DCC: variants seen among roughly 807,000 people sequenced by gnomAD.
DCC encodes DCC netrin 1 receptor.
DCC carries 58 observed loss-of-function variants against 172.5 expected under a neutral mutation model. That is an observed-to-expected ratio of 0.34 (90% CI 0.27 to 0.42). DCC has a LOEUF of 0.42. Ranked by LOEUF, DCC falls within the 10% of genes least tolerant of loss-of-function variation. The pLI, the probability that DCC is intolerant of heterozygous loss-of-function variation, is 1.00. For missense variants in DCC, 1,740 were observed against 1,791.0 expected (o/e 0.97, Z 0.51); for synonymous variants, 709 against 644.5 (o/e 1.10, Z -1.52).
At chr18:52,870,136 G>A (rs1026827581) in intron 2 of DCC, among the ~76,000 whole-genome samples, 8 of 152,166 alleles carry the variant, frequency 5.3e-5, no homozygotes, top group Non-Finnish European at 8.8e-5. Context: ...CACTGGCTCC[G>A]GGGAGTGCTG....
At chr18:53,341,993 A>G (rs1440527220) in intron 15 of DCC, among the ~76,000 whole-genome samples, 1 of 152,126 alleles carries the variant, frequency 6.6e-6, no homozygotes, top group Non-Finnish European at 1.5e-5. Flanking sequence ...TAAGGACTGT[A>G]TGACAGTTAT....
rs375613147 is a variant in DCC, at chr18:53,484,578, T to C, written c.3737-2219T>C. Among the ~76,000 whole-genome samples, 16 of 152,018 alleles carry C rather than the reference T, an allele frequency of 1.1e-4. 1 individual carries two copies. In the East Asian group the frequency reaches 2.1e-3, roughly 20 times the overall value. On this transcript the variant is annotated intron_variant, in intron 25 of 28. Transcript: ENST00000442544. Reference sequence around the variant, plus strand: ...TTAACTTCTGGGTCTTACATGTAGGTATTTTATCCATTTTGTGTTAATTTT... The same window carrying C: ...TTAACTTCTGGGTCTTACATGTAGGCATTTTATCCATTTTGTGTTAATTTT...
intron 1 of DCC, among the ~76,000 whole-genome samples, chr18:52,610,740 T>C (rs1305342423): frequency 6.6e-6 from 1 of 152,164 alleles, no homozygotes; most frequent in African/African-American, 2.4e-5. Flanking sequence ...AATGAATGGG[T>C]GTGGCTATGT....
chr18:52,699,037 T>C (rs1010279737), intron 1 of DCC, among the ~76,000 whole-genome samples: 1 of 152,170 alleles, frequency 6.6e-6, no homozygotes, highest in African/African-American at 2.4e-5. Flanking sequence ...ACAAATGTGC[T>C]TGGGTAAATA....
intron 12 of DCC, among the ~76,000 whole-genome samples, chr18:53,289,711 ACCAG>A (rs1001543973): frequency 7.2e-5 from 11 of 152,110 alleles, no homozygotes; most frequent in African/African-American, 2.7e-4. Context: ...ATTTTTTAAA[ACCAG>A]CCATGTAATT....
chr18:53,057,577 G>A (rs2042427544), intron 5 of DCC, among the ~76,000 whole-genome samples: 2 of 151,976 alleles, frequency 1.3e-5, no homozygotes, highest in Non-Finnish European at 2.9e-5. Context: ...TTCTGGCCAT[G>A]GATTTTATTT....
chr18:53,445,367 C>T (rs1912532083), intron 22 of DCC, among the ~76,000 whole-genome samples: 1 of 152,230 alleles, frequency 6.6e-6, no homozygotes, highest in Non-Finnish European at 1.5e-5. Context: ...TATACACTTT[C>T]ATTGGACCTC....
chr18:53,241,714 G>A (rs1385454864), intron 12 of DCC, among the ~76,000 whole-genome samples: 1 of 152,178 alleles, frequency 6.6e-6, no homozygotes, highest in Non-Finnish European at 1.5e-5. Context: ...GCCAGCCAGG[G>A]CGAATGAGTC....
At chr18:53,271,779 G>T (rs1214297413) in intron 12 of DCC, among the ~76,000 whole-genome samples, 6 of 152,096 alleles carry the variant, frequency 3.9e-5, no homozygotes, top group Non-Finnish European at 7.4e-5. Context: ...AGAGTAAGGG[G>T]TTTACACAAA....
chr18:53,008,359 C>T (rs1479074597), intron 5 of DCC, among the ~76,000 whole-genome samples: 1 of 152,020 alleles, frequency 6.6e-6, no homozygotes. Flanking sequence ...ATTTAATTTG[C>T]TTCCATGGAA....
chr18:52,771,882 A>AAAAG lies in DCC; in HGVS notation c.412+19511_412+19512insGAAA, dbSNP rs1555659204. 1.9e-3 allele frequency among the ~76,000 whole-genome samples: 280 copies of AAAAG among 150,376 alleles called. 1 individual carries two copies. In the East Asian group the frequency reaches 0.019, roughly 10 times the overall value. On this transcript the variant is annotated intron_variant, in intron 2 of 28. Coordinates refer to ENST00000442544, the MANE Select transcript of DCC (RefSeq NM_005215.4). ...CTGTAGAAACTTGTGAAAAAAAAAAAAAAAGAAAAAGAAAGAACAAGGCCC... is the reference window on the plus strand; with the variant it reads ...CTGTAGAAACTTGTGAAAAAAAAAAAAAAGAAAAGAAAAAGAAAGAACAAGGCCC...
chr18:52,408,653 C>T (rs999248114), intron 1 of DCC, among the ~76,000 whole-genome samples: 4 of 152,074 alleles, frequency 2.6e-5, no homozygotes, highest in Non-Finnish European at 5.9e-5. Context: ...TCCTCTGAAG[C>T]ATCAAGCATC....
chr18:53,481,116 G>A (rs1434679626), intron 25 of DCC: 1 of 152,186 alleles, frequency 6.6e-6, no homozygotes, highest in African/African-American at 2.4e-5. Context: ...AACAGAGTGA[G>A]CATGTACAAT....
In DCC at chr18:52,724,932, A is replaced by T. The variant is rs527970147; in HGVS notation, c.92-27122A>T. On this transcript the variant is annotated intron_variant, in intron 1 of 28. Coordinates refer to ENST00000442544, the MANE Select transcript of DCC (RefSeq NM_005215.4). ...AATAAAACTGTTTTCTCTTCCAGGG[A>T]TGTTTCCATTTGAAACTTCAGCTTG... 5.3e-5 allele frequency among the ~76,000 whole-genome samples: 8 copies of T among 152,316 alleles called. No homozygotes were observed. In the South Asian group the frequency reaches 1.0e-3, roughly 20 times the overall value.
intron 7 of DCC, among the ~76,000 whole-genome samples, chr18:53,142,324 C>T (rs1433063925): frequency 6.6e-6 from 1 of 152,200 alleles, no homozygotes; most frequent in Non-Finnish European, 1.5e-5. Context: ...GGGTGGTGCA[C>T]ATTCTTTTCC....
chr18:52,868,927 G>A (rs1413640663), intron 2 of DCC, among the ~76,000 whole-genome samples: 2 of 152,238 alleles, frequency 1.3e-5, no homozygotes, highest in East Asian at 3.9e-4. Context: ...GGCTGCAGCT[G>A]GACCAGGTGC....
intron 1 of DCC, among the ~76,000 whole-genome samples, chr18:52,496,095 A>T (rs1028672555): frequency 6.6e-6 from 1 of 152,190 alleles, no homozygotes; most frequent in Non-Finnish European, 1.5e-5. Flanking sequence ...AAGGGATAGC[A>T]GTGTTATTAC....
chr18:52,786,245 A>G (rs988013914), intron 2 of DCC, among the ~76,000 whole-genome samples: 2 of 151,546 alleles, frequency 1.3e-5, no homozygotes, highest in African/African-American at 4.9e-5. Flanking sequence ...TTGCAGGATA[A>G]TTGCTCAGAA....
chr18:52,814,676 A>G (rs1415466137), intron 2 of DCC, among the ~76,000 whole-genome samples: 1 of 152,242 alleles, frequency 6.6e-6, no homozygotes, highest in East Asian at 1.9e-4. Flanking sequence ...TTGAAAAGTA[A>G]TTGGAAATAT....
Sources: allele counts gnomAD v4.1 joint callset (sites outside exome capture counted in the v4.1 genomes callset), GRCh38; gene constraint gnomAD v4.1.1; transcripts MANE v1.5; gene names NCBI Gene and HGNC (gene_info 2026-07-23, HGNC 2026-07-21).